The following BNC2 variants were observed in gnomAD, a reference collection of about 807,000 sequenced individuals.
BNC2 encodes zinc finger protein basonuclin-2.
A neutral mutation model predicts 76.3 loss-of-function variants in BNC2; 20 were observed. That is an observed-to-expected ratio of 0.26 (90% CI 0.18 to 0.38). The LOEUF (loss-of-function observed/expected upper bound fraction) is 0.38. Among genes scored for constraint, BNC2 ranks in the 10% least tolerant of loss-of-function variants. The pLI is 1.00. For synonymous variants in BNC2, 582 were observed against 514.8 expected (o/e 1.13, Z -1.77); for missense variants, 1,382 against 1,399.8 (o/e 0.99, Z 0.20).
intron 5 of BNC2, among the ~76,000 whole-genome samples, chr9:16,446,409 G>A (rs1404068757): frequency 1.3e-5 from 2 of 152,044 alleles, no homozygotes; most frequent in East Asian, 3.9e-4. Flanking sequence ...ATAATTTTAT[G>A]TGACTTTGAA....
intron 4 of BNC2, among the ~76,000 whole-genome samples, chr9:16,577,291 A>G (rs1217428607): frequency 6.6e-6 from 1 of 152,092 alleles, no homozygotes; most frequent in Non-Finnish European, 1.5e-5. Flanking sequence ...TGGTCTGATA[A>G]GACATATCAA....
intron 3 of BNC2, among the ~76,000 whole-genome samples, chr9:16,637,161 T>A (rs893732773): frequency 1.3e-5 from 2 of 152,118 alleles, no homozygotes; most frequent in African/African-American, 2.4e-5. Flanking sequence ...TCAAAGGGTA[T>A]AGAATTAATT....
chr9:16,824,576 G>T (rs996111236), intron 1 of BNC2, among the ~76,000 whole-genome samples: 3 of 152,138 alleles, frequency 2.0e-5, no homozygotes, highest in African/African-American at 7.2e-5. Flanking sequence ...GCTCCAGCAG[G>T]AGTGATGACT....
At chr9:16,526,656 A>C (rs978033201) in intron 5 of BNC2, among the ~76,000 whole-genome samples, 1 of 152,078 alleles carries the variant, frequency 6.6e-6, no homozygotes, top group Non-Finnish European at 1.5e-5. Context: ...GTGCCAGCAC[A>C]GTATACAGTA....
intron 3 of BNC2, among the ~76,000 whole-genome samples, chr9:16,712,186 C>T (rs948976506): frequency 2.0e-5 from 3 of 152,142 alleles, no homozygotes; most frequent in Admixed American, 2.0e-4. Context: ...TATAGCTCCC[C>T]CGCTTCAAGT....
intron 3 of BNC2, among the ~76,000 whole-genome samples, chr9:16,605,904 C>T (rs552089496): frequency 6.6e-6 from 1 of 151,808 alleles, no homozygotes; most frequent in African/African-American, 2.4e-5. Context: ...ATCCTCCCAC[C>T]TCAGCCTCCC....
intron 1 of BNC2, among the ~76,000 whole-genome samples, chr9:16,818,128 G>C (rs1211443231): frequency 6.6e-6 from 1 of 152,174 alleles, no homozygotes; most frequent in East Asian, 1.9e-4. Context: ...ATTTAGGCCG[G>C]GCACGGTGGC....
At chr9:16,485,097 CAGAG>C (rs374851796) in intron 5 of BNC2, among the ~76,000 whole-genome samples, 3 of 118,512 alleles carry the variant, frequency 2.5e-5, no homozygotes, top group African/African-American at 8.9e-5. Flanking sequence ...CACACACACA[CAGAG>C]ACACACACAG....
At chr9:16,553,521 T>C (rs1184336610) in intron 4 of BNC2, among the ~76,000 whole-genome samples, 1 of 152,228 alleles carries the variant, frequency 6.6e-6, no homozygotes, top group Non-Finnish European at 1.5e-5. Context: ...CAAGTCACTT[T>C]GTTAATAGCT....
At chr9:16,580,537 G>A (rs974235244) in intron 4 of BNC2, among the ~76,000 whole-genome samples, 3 of 152,166 alleles carry the variant, frequency 2.0e-5, no homozygotes, top group South Asian at 2.1e-4. Flanking sequence ...GAAAGTCCTC[G>A]AAACAATCAC....
intron 5 of BNC2, among the ~76,000 whole-genome samples, chr9:16,549,193 G>A (rs915959903): frequency 3.9e-5 from 6 of 152,128 alleles, no homozygotes; most frequent in African/African-American, 1.4e-4. Flanking sequence ...CAGAAGGCAG[G>A]AGTAGCTGTG....
At chr9:16,704,461 C>G (rs1401601213) in intron 3 of BNC2, among the ~76,000 whole-genome samples, 1 of 151,792 alleles carries the variant, frequency 6.6e-6, no homozygotes, top group Non-Finnish European at 1.5e-5. Flanking sequence ...ATGACTGCAT[C>G]TTTCAACTGC....
chr9:16,489,025 T>C (rs1050980018), intron 5 of BNC2, among the ~76,000 whole-genome samples: 1 of 152,196 alleles, frequency 6.6e-6, no homozygotes, highest in African/African-American at 2.4e-5. Context: ...ATATGAACTT[T>C]CTAAGTCAGT....
At chr9:16,756,182 C>T (rs1825379627) in intron 1 of BNC2, among the ~76,000 whole-genome samples, 1 of 152,188 alleles carries the variant, frequency 6.6e-6, no homozygotes, top group Non-Finnish European at 1.5e-5. Context: ...ACTTCATAGC[C>T]ACTTTTGAGA....
intron 3 of BNC2, among the ~76,000 whole-genome samples, chr9:16,671,760 G>A (rs1822484432): frequency 6.6e-6 from 1 of 152,148 alleles, no homozygotes; most frequent in South Asian, 2.1e-4. Flanking sequence ...CCATATGCCT[G>A]AACTCCAGTC....
intron 3 of BNC2, among the ~76,000 whole-genome samples, chr9:16,630,749 C>CTTTTTTCTTTTT (rs1554691912): frequency 7.1e-6 from 1 of 140,194 alleles, no homozygotes; most frequent in African/African-American, 2.8e-5. Context: ...TGGAGCGTTT[C>CTTTTTTCTTTTT]TTTTTTTGAA....
chr9:16,714,452 A>T lies in BNC2; in HGVS notation c.330+13345T>A, dbSNP rs139529337. On this transcript the variant is annotated intron_variant, in intron 3 of 6. Coordinates refer to ENST00000380672, the MANE Select transcript of BNC2 (RefSeq NM_017637.6). ...GCTGTGTTGATGCTGAACTTCTTGA[A>T]CATGGCATACCAGCATCATTCTGAC... is the stretch of plus-strand genomic sequence containing the variant. Among the ~76,000 whole-genome samples the T allele has an allele frequency of 6.2e-3, 947 of 152,338 alleles. 8 individuals carry two copies. The highest frequency in any genetic ancestry group is 0.02 in the African/African-American group (850 of 41,578).
chr9:16,748,949 T>A (rs1825097912), intron 1 of BNC2, among the ~76,000 whole-genome samples: 1 of 125,906 alleles, frequency 7.9e-6, no homozygotes, highest in East Asian at 2.3e-4. Context: ...TATATATATA[T>A]GAAATTAACA....
rs1255219633 is a variant in BNC2, at chr9:16,412,159, C to A, written c.*6830G>T. ...CAAAGTGGAGAATTTACCTTTTACT[C>A]ATAGGGTGGTCCTTGTTTTAACGAT... On this transcript the variant is annotated 3_prime_UTR_variant, in exon 7 of 7. Transcript: ENST00000380672. The A allele has an allele frequency of 1.3e-5, 2 of 152,614 alleles. No homozygotes were observed. The highest frequency in any genetic ancestry group is 6.5e-5 in the Admixed American group (1 of 15,268). The allele number at this position is 152,614 out of a possible 1,614,324, so 9.5% of individuals were successfully genotyped here.
Sources: allele counts gnomAD v4.1 joint callset (sites outside exome capture counted in the v4.1 genomes callset), GRCh38; gene constraint gnomAD v4.1.1; transcripts MANE v1.5; gene names NCBI Gene and HGNC (gene_info 2026-07-23, HGNC 2026-07-21).